Variants in MCU observed in about 807,000 individuals in gnomAD.
MCU encodes mitochondrial calcium uniporter.
In MCU, 12 loss-of-function variants were observed where a neutral mutation model predicts 45.2. The ratio of observed to expected loss-of-function variants is 0.27; its 90% confidence interval spans 0.17 to 0.43. MCU has a LOEUF of 0.43. Among genes scored for constraint, MCU ranks in the 20% least tolerant of loss-of-function variants. MCU has a pLI of 1.00. For synonymous variants in MCU, 160 were observed against 165.1 expected (o/e 0.97, Z 0.24); for missense variants, 324 against 436.7 (o/e 0.74, Z 2.30).
At chr10:72,699,492 G>T (rs963943402) in intron 1 of MCU, among the ~76,000 whole-genome samples, 1 of 151,692 alleles carries the variant, frequency 6.6e-6, no homozygotes, top group Non-Finnish European at 1.5e-5. Flanking sequence ...GGGTGACAGA[G>T]CAACACTCCG....
rs1240770426 is a variant in MCU at position 72,780,433 on chromosome 10, T to TA, written c.151-53920dup. On this transcript the variant is annotated intron_variant, in intron 1 of 7. Transcript: ENST00000373053. The stretch of plus-strand genomic sequence containing the variant: ...TAAATTATATCTCAAAAGGATTTTT[T>TA]AAAAAATAGCTGTGGAAGGACAAAA... Among the ~76,000 whole-genome samples the TA allele has an allele frequency of 1.2e-4, 18 of 151,738 alleles. No individual in the cohort carries two copies. In the South Asian group the frequency reaches 2.3e-3, roughly 19 times the overall value.
rs556250546 is a variant in MCU at position 72,863,695 on chromosome 10, C to T, written c.496+3168C>T. Among the ~76,000 whole-genome samples the T allele has an allele frequency of 5.9e-5, 9 of 152,308 alleles. No individual in the cohort carries two copies. In the South Asian group the frequency reaches 1.5e-3, roughly 25 times the overall value. On this transcript the variant is annotated intron_variant, in intron 4 of 7. Transcript: ENST00000373053. ...GCAGCAGTGCAATCTCAGCTCACTG[C>T]AACCTCTGCCTCCTGGGTTCAAATT... is the stretch of plus-strand genomic sequence containing the variant.
At chr10:72,725,111 C>T (rs1843078579) in intron 1 of MCU, among the ~76,000 whole-genome samples, 1 of 151,958 alleles carries the variant, frequency 6.6e-6, no homozygotes, top group African/African-American at 2.4e-5. Context: ...TCTACATACA[C>T]ACGCCACCAC....
intron 1 of MCU, among the ~76,000 whole-genome samples, chr10:72,819,727 CTTTTTTTT>C (rs71021538): frequency 9.7e-5 from 10 of 102,602 alleles, no homozygotes; most frequent in African/African-American, 2.6e-4. Context: ...TTTTTCCAGT[CTTTTTTTT>C]TTTTTTTTTT....
At chr10:72,748,615 G>A (rs1184029525) in intron 1 of MCU, among the ~76,000 whole-genome samples, 1 of 151,972 alleles carries the variant, frequency 6.6e-6, no homozygotes, top group Non-Finnish European at 1.5e-5. Flanking sequence ...CCAGGAGTTT[G>A]AGACCAGCCT....
chr10:72,882,882 C>T (rs7091268), intron 6 of MCU, among the ~76,000 whole-genome samples: 7,363 of 152,254 alleles, frequency 0.048, 597 homozygotes, highest in African/African-American at 0.17. Flanking sequence ...AACCTACCGA[C>T]ATGTGATGTC....
At chr10:72,782,404 CTT>C (rs1235384904) in intron 1 of MCU, among the ~76,000 whole-genome samples, 1 of 152,140 alleles carries the variant, frequency 6.6e-6, no homozygotes, top group African/African-American at 2.4e-5. Flanking sequence ...GAGTTTTGCT[CTT>C]GTCACCTGGG....
At chr10:72,864,370 A>G (rs1470810748) in intron 4 of MCU, among the ~76,000 whole-genome samples, 1 of 152,214 alleles carries the variant, frequency 6.6e-6, no homozygotes, top group African/African-American at 2.4e-5. Flanking sequence ...AAGTGATATG[A>G]CATTGCAAGA....
At chr10:72,695,728 T>TG (rs1448234600) in intron 1 of MCU, among the ~76,000 whole-genome samples, 1 of 151,482 alleles carries the variant, frequency 6.6e-6, no homozygotes, top group Non-Finnish European at 1.5e-5. Flanking sequence ...TTTTTTTTTT[T>TG]GATACAAGGT....
chr10:72,879,849 C>T (rs1432367098), intron 6 of MCU, among the ~76,000 whole-genome samples: 1 of 152,100 alleles, frequency 6.6e-6, no homozygotes, highest in Non-Finnish European at 1.5e-5. Context: ...AGTTTGAGAC[C>T]AGCCTGGCCA....
intron 1 of MCU, among the ~76,000 whole-genome samples, chr10:72,761,241 G>C (rs1273395066): frequency 1.3e-5 from 2 of 152,194 alleles, no homozygotes; most frequent in Non-Finnish European, 2.9e-5. Flanking sequence ...TTAGTAATGA[G>C]AAGCGTCAGA....
intron 1 of MCU, among the ~76,000 whole-genome samples, chr10:72,758,690 A>AT (rs1564548636): frequency 1.3e-5 from 2 of 152,140 alleles, no homozygotes; most frequent in African/African-American, 4.8e-5. Context: ...GAATGGGCCA[A>AT]TTTTTTTGGC....
At chr10:72,734,505 G>A (rs1001888536) in intron 1 of MCU, among the ~76,000 whole-genome samples, 33 of 152,174 alleles carry the variant, frequency 2.2e-4, no homozygotes, top group African/African-American at 6.0e-4. Context: ...CACATATTCC[G>A]TTGGACTGCA....
chr10:72,742,683 C>T (rs1843351858), intron 1 of MCU, among the ~76,000 whole-genome samples: 1 of 152,230 alleles, frequency 6.6e-6, no homozygotes, highest in Non-Finnish European at 1.5e-5. Flanking sequence ...ATAAGTGTGC[C>T]TAATAATGAA....
chr10:72,720,320 A>G (rs1044594247), intron 1 of MCU, among the ~76,000 whole-genome samples: 2 of 152,236 alleles, frequency 1.3e-5, no homozygotes, highest in African/African-American at 4.8e-5. Flanking sequence ...GGAAGGTTCT[A>G]TGTAACTTGC....
intron 1 of MCU, among the ~76,000 whole-genome samples, chr10:72,785,364 G>A (rs568026378): frequency 6.6e-6 from 1 of 152,186 alleles, no homozygotes; most frequent in African/African-American, 2.4e-5. Context: ...ACTTCCCTGT[G>A]GTATGCAGAA....
intron 1 of MCU, among the ~76,000 whole-genome samples, chr10:72,763,608 C>A (rs1469166562): frequency 2.0e-5 from 3 of 152,196 alleles, no homozygotes; most frequent in African/African-American, 7.2e-5. Flanking sequence ...TATGGTGGGA[C>A]TTTGCATACT....
intron 6 of MCU, among the ~76,000 whole-genome samples, chr10:72,874,287 TC>T (rs1434629107): frequency 2.0e-5 from 3 of 152,200 alleles, no homozygotes; most frequent in African/African-American, 7.2e-5. Flanking sequence ...ATCTTGGAAT[TC>T]CAGTGTCACT....
rs780368728 is a variant in MCU, at chr10:72,885,772, G to C, written c.1006G>C (p.Asp336His). 6.2e-7 allele frequency: 1 copy of C among 1,613,688 alleles called. No individual in the cohort carries two copies. Among genetic ancestry groups the C allele is most frequent in the South Asian group, 1.1e-5 (1 of 91,052 alleles). The change falls in exon 8 of 8, where the codon GAC (aspartate) becomes CAC (histidine). Residue 336 changes from aspartate to histidine, a missense_variant. Asp to His is a moderately conservative substitution (Grantham distance 81). Coordinates refer to ENST00000373053, the MANE Select transcript of MCU (RefSeq NM_138357.3). The stretch of plus-strand genomic sequence containing the variant: ...AGAAATGGACCTTAAGAGACTGAGA[G>C]ACCCATTACAAGTACATCTGCCTCT... ...QAEMDLKRLR[D>H]PLQVHLPLRQ...
Sources: gnomAD v4.1 joint callset for allele counts (sites outside exome capture counted in the v4.1 genomes callset) on GRCh38, gnomAD v4.1.1 for gene constraint, MANE v1.5 for transcripts, NCBI Gene and HGNC (gene_info 2026-07-23, HGNC 2026-07-21) for gene names.